The following MGST1 variants were observed in gnomAD, a reference collection of about 807,000 sequenced individuals.
MGST1 encodes the protein glutathione S-transferase 12.
A neutral mutation model predicts 8.9 loss-of-function variants in MGST1; 5 were observed. That is an observed-to-expected ratio of 0.56 (90% CI 0.29 to 1.19). MGST1 has a LOEUF of 1.19. Ranked by LOEUF, MGST1 falls within the 50% of genes most tolerant of loss-of-function variation. MGST1 has a pLI of 0.08. For missense variants in MGST1, 182 were observed against 187.4 expected, an observed-to-expected ratio of 0.97 and a Z score of 0.17; for synonymous variants, 54 against 67.8, an observed-to-expected ratio of 0.80 and a Z score of 1.00.
chr12:16,554,340 T>C (rs1263866482), intron 4 of MGST1, among the ~76,000 whole-genome samples: 1 of 152,248 alleles, frequency 6.6e-6, no homozygotes, highest in African/African-American at 2.4e-5. Flanking sequence ...ACAATTATGA[T>C]TAATTTCTAT....
downstream of MGST1, among the ~76,000 whole-genome samples, chr12:16,368,031 A>G (rs1361262806): frequency 2.0e-5 from 3 of 152,106 alleles, no homozygotes; most frequent in African/African-American, 4.8e-5. Flanking sequence ...TGGCATGTCT[A>G]TGCTGAGTTT....
chr12:16,357,799 T>C (rs992796398), intron 3 of MGST1, 100 bp downstream of exon 3: 11 of 840,124 alleles, frequency 1.3e-5, no homozygotes, highest in East Asian at 2.7e-5. Flanking sequence ...GGAAAAAAAG[T>C]GAGACCTCTT....
At chr12:16,516,175 C>T (rs1941613751) in intron 4 of MGST1, among the ~76,000 whole-genome samples, 1 of 152,180 alleles carries the variant, frequency 6.6e-6, no homozygotes, top group Non-Finnish European at 1.5e-5. Context: ...TGTGCCACCT[C>T]TTTAGCATGA....
At chr12:16,375,014 T>G (rs1002151387) in intron 3 of MGST1, among the ~76,000 whole-genome samples, 5 of 152,040 alleles carry the variant, frequency 3.3e-5, no homozygotes, top group Non-Finnish European at 7.4e-5. Context: ...TTGAGTAGCT[T>G]AGACAACAGG....
chr12:16,515,388 A>G (rs1232700700), intron 4 of MGST1, among the ~76,000 whole-genome samples: 1 of 152,190 alleles, frequency 6.6e-6, no homozygotes, highest in Non-Finnish European at 1.5e-5. Flanking sequence ...ACAGTGGCTC[A>G]TGACTAATCC....
chr12:16,352,431 G>A (rs998585470), intron 1 of MGST1, among the ~76,000 whole-genome samples: 2 of 152,170 alleles, frequency 1.3e-5, no homozygotes, highest in Non-Finnish European at 2.9e-5. Context: ...ATCTAGAAGA[G>A]ACAGTACTAC....
chr12:16,534,430 C>T (rs917367373), intron 4 of MGST1, among the ~76,000 whole-genome samples: 2 of 152,026 alleles, frequency 1.3e-5, no homozygotes, highest in Non-Finnish European at 2.9e-5. Flanking sequence ...GCTGGATTCC[C>T]ACCACTAGGT....
chr12:16,419,310 C>T (rs1257876336), intron 1 of MGST1, among the ~76,000 whole-genome samples: 1 of 152,172 alleles, frequency 6.6e-6, no homozygotes, highest in African/African-American at 2.4e-5. Flanking sequence ...TCAAGATTCA[C>T]ACTTTGTCTG....
At chr12:16,501,775 A>G (rs891003478) in intron 4 of MGST1, among the ~76,000 whole-genome samples, 3 of 152,186 alleles carry the variant, frequency 2.0e-5, no homozygotes, top group Admixed American at 1.3e-4. Flanking sequence ...ATTAATATTT[A>G]AACATTTTTA....
At chr12:16,394,567 T>A (rs1940588248) in intron 1 of MGST1, among the ~76,000 whole-genome samples, 1 of 55,958 alleles carries the variant, frequency 1.8e-5, no homozygotes, top group Admixed American at 2.1e-4. Context: ...TCTTTCTTTC[T>A]TTCTTTCTTC....
At position 16,583,789 on chromosome 12, in the gene MGST1, G is replaced by A. The variant is rs147978299; in HGVS notation, n.483-5739G>A. Among the ~76,000 whole-genome samples the A allele has an allele frequency of 1.1e-3, 168 of 152,274 alleles. 4 individuals are homozygous for A. The highest frequency in any genetic ancestry group is 1.4e-3 in the East Asian group (7 of 5,182). ...GTGAAAATTGAGCTAGCACAGGCAT[G>A]GGAGGAGACACAGAAGATGGAAGTG... On this transcript the variant is annotated intron_variant and non_coding_transcript_variant, in intron 4 of 4. Coordinates refer to the MGST1 transcript ENST00000538857.
At position 16,462,428 on chromosome 12, in the gene MGST1, C is replaced by G. The variant is rs181549617; in HGVS notation, n.482+78824C>G. ...GGACAGCATTTGCTGTCTTGTGTAA[C>G]ACAAGCAAGTACATAAGATAAAATA... On this transcript the variant is annotated intron_variant and non_coding_transcript_variant, in intron 4 of 4. Transcript: ENST00000538857. Among the ~76,000 whole-genome samples, 19 of 152,126 alleles carry G rather than the reference C, an allele frequency of 1.2e-4. No homozygotes were observed. The East Asian group carries it at 3.7e-3, about 30-fold the overall frequency.
At chr12:16,415,991 G>A (rs1320959608) in intron 1 of MGST1, among the ~76,000 whole-genome samples, 1 of 152,068 alleles carries the variant, frequency 6.6e-6, no homozygotes, top group East Asian at 1.9e-4. Flanking sequence ...CAGAGATTTT[G>A]CAAAAAGAGT....
intron 4 of MGST1, among the ~76,000 whole-genome samples, chr12:16,451,668 G>A (rs1400219818): frequency 6.6e-6 from 1 of 151,612 alleles, no homozygotes; most frequent in Non-Finnish European, 1.5e-5. Flanking sequence ...ATTTTTTTAA[G>A]AGCATCTAAA....
intron 1 of MGST1, among the ~76,000 whole-genome samples, chr12:16,429,055 CT>C (rs1940917302): frequency 6.6e-6 from 1 of 151,788 alleles, no homozygotes; most frequent in South Asian, 2.1e-4. Context: ...CTTACCTTTG[CT>C]TTTTAAGATA....
chr12:16,368,980 C>T (rs1047775394), downstream of MGST1, among the ~76,000 whole-genome samples: 3 of 151,860 alleles, frequency 2.0e-5, no homozygotes, highest in Non-Finnish European at 4.4e-5. Context: ...TTTTAATGAC[C>T]CAAAACTAAG....
At chr12:16,528,930 C>T (rs1941705559) in intron 4 of MGST1, among the ~76,000 whole-genome samples, 1 of 151,994 alleles carries the variant, frequency 6.6e-6, no homozygotes, top group Non-Finnish European at 1.5e-5. Flanking sequence ...TTGGCTAGGT[C>T]CTTGTGGATA....
At chr12:16,577,682 C>G (rs866410554) in intron 4 of MGST1, among the ~76,000 whole-genome samples, 2 of 152,162 alleles carry the variant, frequency 1.3e-5, no homozygotes, top group South Asian at 4.1e-4. Flanking sequence ...ACAAATCATT[C>G]TGCACACATC....
At chr12:16,494,212 A>C (rs1047384985) in intron 4 of MGST1, among the ~76,000 whole-genome samples, 2 of 152,190 alleles carry the variant, frequency 1.3e-5, no homozygotes, top group African/African-American at 4.8e-5. Context: ...ACTGTCCTTC[A>C]CATGCTTATG....
Sources: gnomAD v4.1 joint callset for allele counts (sites outside exome capture counted in the v4.1 genomes callset) on GRCh38, gnomAD v4.1.1 for gene constraint, MANE v1.5 for transcripts, NCBI Gene and HGNC (gene_info 2026-07-23, HGNC 2026-07-21) for gene names.